DLG2: variants seen among roughly 807,000 people sequenced by gnomAD.
The protein encoded by DLG2 is discs large MAGUK scaffold protein 2.
Under a neutral mutation model 132.5 loss-of-function variants are expected in DLG2, and 45 were observed. That is an observed-to-expected ratio of 0.34 (90% CI 0.27 to 0.44). The LOEUF is 0.44. DLG2 is among the 20% of genes least tolerant of loss of function. DLG2 has a pLI of 1.00. For missense variants in DLG2, 1,045 were observed against 1,196.9 expected, an observed-to-expected ratio of 0.87 and a Z score of 1.87; for synonymous variants, 424 against 419.6, an observed-to-expected ratio of 1.01 and a Z score of -0.13.
chr11:84,446,139 T>C (rs1375646520), intron 7 of DLG2, among the ~76,000 whole-genome samples: 1 of 152,036 alleles, frequency 6.6e-6, no homozygotes, highest in Non-Finnish European at 1.5e-5. Flanking sequence ...ATTTCTATTT[T>C]TACCTTAAAT....
chr11:84,400,776 T>C (rs2154446601), intron 7 of DLG2, among the ~76,000 whole-genome samples: 1 of 152,306 alleles, frequency 6.6e-6, no homozygotes, highest in East Asian at 1.9e-4. Context: ...TTTTTTTGTA[T>C]GTTTAAGGAT....
intron 3 of DLG2, among the ~76,000 whole-genome samples, chr11:85,503,898 C>T (rs2093864217): frequency 6.6e-6 from 1 of 152,060 alleles, no homozygotes; most frequent in Non-Finnish European, 1.5e-5. Flanking sequence ...TGTCACTGTA[C>T]TCCAGCCTGG....
At chr11:85,178,998 C>T (rs934457407) in intron 4 of DLG2, among the ~76,000 whole-genome samples, 8 of 151,634 alleles carry the variant, frequency 5.3e-5, no homozygotes, top group South Asian at 2.1e-4. Context: ...ATGAGTCCAC[C>T]GATAGAAAAA....
chr11:85,008,308 C>G (rs1367836975), intron 6 of DLG2, among the ~76,000 whole-genome samples: 5 of 152,088 alleles, frequency 3.3e-5, no homozygotes, highest in Admixed American at 3.3e-4. Context: ...ACTCAAAATT[C>G]TGGATTCAGA....
Position 84,555,826 on chromosome 11 carries a change from A to AT in DLG2, c.358-21096dup, listed in dbSNP as rs2099410855. Among the ~76,000 whole-genome samples, 7 of 152,304 alleles carry AT rather than the reference A, an allele frequency of 4.6e-5. No individual in the cohort carries two copies. The South Asian group carries it at 1.5e-3, about 32-fold the overall frequency. ...AAAATTTTATGAATTTTTTACTACA[A>AT]TTTTTTAAAAGCTTACTCTAGCTGC... On this transcript the variant is annotated intron_variant, in intron 6 of 27. Coordinates refer to ENST00000376104, the MANE Select transcript of DLG2 (RefSeq NM_001142699.3).
intron 6 of DLG2, among the ~76,000 whole-genome samples, chr11:84,776,931 A>G (rs916274190): frequency 3.3e-5 from 5 of 151,990 alleles, no homozygotes; most frequent in Admixed American, 6.6e-5. Flanking sequence ...GTAGAAGTGT[A>G]ATTTTGTTAT....
intron 6 of DLG2, among the ~76,000 whole-genome samples, chr11:84,993,697 C>T (rs1164076130): frequency 6.7e-6 from 1 of 148,192 alleles, no homozygotes; most frequent in African/African-American, 2.5e-5. Flanking sequence ...ATCTTTACCT[C>T]TAATGGTGTT....
chr11:84,412,540 G>T lies in DLG2; in HGVS notation c.519+122030C>A, dbSNP rs534415907. Reference sequence around the variant, plus strand: ...TAGGCTTGGTAAGGTTAAGAGATTTGCCCAAAGTAATACAACTACTAAGTG... The same window carrying T: ...TAGGCTTGGTAAGGTTAAGAGATTTTCCCAAAGTAATACAACTACTAAGTG... On this transcript the variant is annotated intron_variant, in intron 7 of 27. Coordinates refer to ENST00000376104, the MANE Select transcript of DLG2 (RefSeq NM_001142699.3). Among the ~76,000 whole-genome samples, 17 of 152,296 alleles carry T rather than the reference G, an allele frequency of 1.1e-4. No individual in the cohort carries two copies. The South Asian group carries it at 3.3e-3, about 30-fold the overall frequency.
chr11:83,925,099 C>A (rs1362377527), intron 15 of DLG2, among the ~76,000 whole-genome samples: 8 of 152,186 alleles, frequency 5.3e-5, no homozygotes, highest in African/African-American at 1.9e-4. Context: ...TGTCTCCATA[C>A]TCTGAGTTCC....
chr11:84,468,604 C>A lies in DLG2; in HGVS notation c.519+65966G>T, dbSNP rs147995154. Among the ~76,000 whole-genome samples, 1,172 of 151,662 alleles carry A rather than the reference C, an allele frequency of 7.7e-3. 6 individuals carry two copies. Among genetic ancestry groups the A allele is most frequent in the Non-Finnish European group, 8.6e-3 (585 of 67,702 alleles). On this transcript the variant is annotated intron_variant, in intron 7 of 27. Coordinates refer to ENST00000376104, the MANE Select transcript of DLG2 (RefSeq NM_001142699.3). ...AGTGTTTGAGATGAGTGCCTTTTAACACTTTCAATTTTGTCCATAACTGGG... is the reference window on the plus strand; with the variant it reads ...AGTGTTTGAGATGAGTGCCTTTTAAAACTTTCAATTTTGTCCATAACTGGG...
At chr11:84,486,814 C>T (rs2099152246) in intron 7 of DLG2, among the ~76,000 whole-genome samples, 1 of 151,996 alleles carries the variant, frequency 6.6e-6, no homozygotes. Context: ...ATTTGATACT[C>T]CTGTATCAAA....
chr11:84,632,409 A>G (rs2099633637), intron 6 of DLG2, among the ~76,000 whole-genome samples: 1 of 151,936 alleles, frequency 6.6e-6, no homozygotes, highest in Non-Finnish European at 1.5e-5. Context: ...ATCTTTATTG[A>G]CTCTTTTAGT....
At chr11:84,178,682 G>A (rs2096037793) in intron 8 of DLG2, among the ~76,000 whole-genome samples, 1 of 151,740 alleles carries the variant, frequency 6.6e-6, no homozygotes. Context: ...TCACCATCTG[G>A]CTACGTTGAT....
chr11:84,265,344 A>C (rs10898221), intron 7 of DLG2, among the ~76,000 whole-genome samples: 11,997 of 152,258 alleles, frequency 0.079, 498 homozygotes, highest in African/African-American at 0.1. Context: ...GACTTCGAAC[A>C]ATGCTAAAAA....
rs530745023 is a variant in DLG2, at chr11:84,429,220, G to A, written c.519+105350C>T. Among the ~76,000 whole-genome samples the A allele has an allele frequency of 7.2e-5, 11 of 152,242 alleles. No individual in the cohort carries two copies. In the East Asian group the frequency reaches 1.4e-3, roughly 19 times the overall value. ...TGTTCTGTTTCATCTAGTGCTAGGC[G>A]TTTTGCTAGGTGCTGAGAATACAAA... On this transcript the variant is annotated intron_variant, in intron 7 of 27. Coordinates refer to ENST00000376104, the MANE Select transcript of DLG2 (RefSeq NM_001142699.3).
intron 12 of DLG2, among the ~76,000 whole-genome samples, chr11:83,979,249 CA>C (rs1356701214): frequency 1.3e-5 from 2 of 152,042 alleles, no homozygotes; most frequent in Admixed American, 1.3e-4. Context: ...TTTGGAGGTT[CA>C]ACCTCCAAAA....
In DLG2 at chr11:83,667,546, G is replaced by A. The variant is rs184283519; in HGVS notation, c.1826-34221C>T. On this transcript the variant is annotated intron_variant, in intron 18 of 27. Coordinates refer to ENST00000376104, the MANE Select transcript of DLG2 (RefSeq NM_001142699.3). ...TGAATATAAAGGTCTCAGCACGGTA[G>A]TTGGTCCAAAAATGCAGCCAGCTTG... Among the ~76,000 whole-genome samples, 154 of 152,310 alleles carry A rather than the reference G, an allele frequency of 1.0e-3. 1 individual carries two copies. The highest frequency in any genetic ancestry group is 8.9e-3 in the South Asian group (43 of 4,812).
chr11:83,794,914 C>T (rs2042420588), intron 17 of DLG2, among the ~76,000 whole-genome samples: 1 of 152,116 alleles, frequency 6.6e-6, no homozygotes, highest in African/African-American at 2.4e-5. Context: ...AAGTCAAGCT[C>T]CCTGAGACTG....
chr11:84,442,168 A>C (rs2099019230), intron 7 of DLG2, among the ~76,000 whole-genome samples: 1 of 152,156 alleles, frequency 6.6e-6, no homozygotes, highest in Non-Finnish European at 1.5e-5. Flanking sequence ...AGTCAATGAT[A>C]GCTTGATGGG....
Sources: gnomAD v4.1 joint callset for allele counts (sites outside exome capture counted in the v4.1 genomes callset) on GRCh38, gnomAD v4.1.1 for gene constraint, MANE v1.5 for transcripts, NCBI Gene and HGNC (gene_info 2026-07-23, HGNC 2026-07-21) for gene names.